MGAT5B: variants seen among roughly 807,000 people sequenced by gnomAD.
The protein encoded by MGAT5B is N-acetylglucosaminyl-transferase Vb.
A neutral mutation model predicts 95.1 loss-of-function variants in MGAT5B; 54 were observed. The observed-to-expected ratio is 0.57, with a 90% CI of 0.46 to 0.71. The LOEUF is 0.71. MGAT5B is among the 30% of genes least tolerant of loss of function. The pLI is 0.00. For synonymous variants in MGAT5B, 464 were observed against 451.0 expected (o/e 1.03, Z -0.36); for missense variants, 935 against 1,088.6 (o/e 0.86, Z 1.99).
chr17:76,890,002 C>A (rs1240458999), intron 3 of MGAT5B, among the ~76,000 whole-genome samples: 1 of 152,242 alleles, frequency 6.6e-6, no homozygotes, highest in Non-Finnish European at 1.5e-5. Flanking sequence ...GACCTTCACT[C>A]CCCTACTGTT....
rs1220673992 is a variant in MGAT5B, at chr17:76,868,904, G to C, written c.-126G>C. 1.2e-6 allele frequency: 1 copy of C among 807,000 alleles called. No individual in the cohort carries two copies. Among genetic ancestry groups the C allele is most frequent in the Non-Finnish European group, 1.9e-6 (1 of 532,744 alleles). 50.0% of individuals were successfully genotyped at this position (807,000 alleles called of 1,614,324 possible). On this transcript the variant is annotated 5_prime_UTR_variant, in exon 1 of 18. Coordinates refer to ENST00000569840, the MANE Select transcript of MGAT5B (RefSeq NM_001199172.2). This position sits in a 1 kb window ranked among gnomAD's most constrained non-coding sequence, Gnocchi z 6.3. ...GAGCAGCGAGGCCACCGGGCCGCGC[G>C]CTCCCAGCTTCGCTCGGACGCGGCT...
At chr17:76,948,232 A>G (rs556961759) in intron 17 of MGAT5B, 146 bp downstream of exon 17, 2 of 1,410,464 alleles carry the variant, frequency 1.4e-6, no homozygotes, top group South Asian at 3.0e-5. Flanking sequence ...AAGGATCCAG[A>G]AGGGATCCTC....
At chr17:76,939,027 GGGGTGTGTGTGTGTGTGTGTGT>G (rs1168339044) in intron 13 of MGAT5B, among the ~76,000 whole-genome samples, 1 of 97,236 alleles carries the variant, frequency 1.0e-5, no homozygotes, top group Non-Finnish European at 2.3e-5. Flanking sequence ...AGGCATCTTG[GGGGTGTGTGTGTGTGTGTGTGT>G]GTGTGTGTGT....
Position 76,918,813 on chromosome 17 carries a change from G to T in MGAT5B, c.1026-6153G>T, listed in dbSNP as rs770242424. 7.9e-5 allele frequency among the ~76,000 whole-genome samples: 12 copies of T among 152,176 alleles called. No homozygotes were observed. Among genetic ancestry groups the T allele is most frequent in the Non-Finnish European group, 1.8e-4 (12 of 68,024 alleles). On this transcript the variant is annotated intron_variant, in intron 8 of 17. Transcript: ENST00000569840. This position sits in a 1 kb window ranked among gnomAD's most constrained non-coding sequence, Gnocchi z 5.1. ...GGCACCCAGTGAAGTTGTGGATCCT[G>T]CCTGCACTTCAGCCCCTGGAGTCAA... is the stretch of plus-strand genomic sequence containing the variant.
intron 3 of MGAT5B, among the ~76,000 whole-genome samples, chr17:76,888,730 G>A (rs1967757260): frequency 6.6e-6 from 1 of 152,250 alleles, no homozygotes; most frequent in Admixed American, 6.5e-5. Flanking sequence ...CAGCCTGAAG[G>A]GAGTTGAGGA....
In MGAT5B at chr17:76,940,571, C is replaced by T. The variant is rs781565197; in HGVS notation, c.1731+23C>T. 7 of 1,597,840 alleles carry T rather than the reference C, an allele frequency of 4.4e-6. No individual in the cohort carries two copies. In the African/African-American group the frequency reaches 6.7e-5, roughly 15 times the overall value. On this transcript the variant is annotated intron_variant, in intron 14 of 17. Coordinates refer to ENST00000569840, the MANE Select transcript of MGAT5B (RefSeq NM_001199172.2). This position sits in a 1 kb window ranked among gnomAD's most constrained non-coding sequence, Gnocchi z 4.3. Reference sequence around the variant, plus strand: ...GAGGTGAGTGGAAAGCATCCTGGTCCCCGATCAGGAGGGGCCGGGACAGAG... The same window carrying T: ...GAGGTGAGTGGAAAGCATCCTGGTCTCCGATCAGGAGGGGCCGGGACAGAG...
intron 8 of MGAT5B, among the ~76,000 whole-genome samples, chr17:76,919,439 C>A (rs1969052872): frequency 6.6e-6 from 1 of 152,106 alleles, no homozygotes; most frequent in Non-Finnish European, 1.5e-5. Flanking sequence ...TTAAATTATT[C>A]GTATTTTTAA....
chr17:76,897,671 TTC>T (rs1215656982), intron 3 of MGAT5B, among the ~76,000 whole-genome samples: 2 of 75,460 alleles, frequency 2.7e-5, no homozygotes, highest in Non-Finnish European at 4.5e-5. Context: ...CTTTCTTTCT[TTC>T]TTTCTTTCTT....
intron 11 of MGAT5B, 79 bp downstream of exon 11, chr17:76,932,854 C>A: frequency 5.2e-6 from 8 of 1,547,012 alleles, no homozygotes; most frequent in African/African-American, 1.4e-5. Context: ...CTCCTCCTTC[C>A]AGGATGCGGT....
chr17:76,948,723 T>G lies in MGAT5B; in HGVS notation c.2264T>G (p.Leu755Arg), dbSNP rs1282994282. The G allele has an allele frequency of 6.2e-6, 10 of 1,613,178 alleles. No individual in the cohort carries two copies. Among genetic ancestry groups the G allele is most frequent in the Non-Finnish European group, 8.5e-6 (10 of 1,179,812 alleles). ...AFAQPGQECY[L>R]QKEPLLFSCA... ...GCCCAGCCTGGCCAGGAGTGCTACC[T>G]GCAGAAGGAGCCTCTGCTCTTCAGC... The change falls in exon 18 of 18, where the codon CTG becomes CGG. Residue 755 changes from leucine (L) to arginine (R), a missense_variant. Physicochemically the swap from Leu to Arg is moderately radical, Grantham distance 102. Around this residue, in one of 4 missense-constraint regions of MGAT5B, gnomAD observed 440 missense variants for 523.6 expected, o/e 0.84. Transcript: ENST00000569840.
At chr17:76,878,779 G>C (rs1278616120) in intron 2 of MGAT5B, among the ~76,000 whole-genome samples, 1 of 152,214 alleles carries the variant, frequency 6.6e-6, no homozygotes, top group African/African-American at 2.4e-5. Flanking sequence ...CTGGCCTGCT[G>C]CCAGTTTTTA....
chr17:76,878,451 C>G (rs529340794), intron 2 of MGAT5B, among the ~76,000 whole-genome samples: 27 of 152,210 alleles, frequency 1.8e-4, no homozygotes, highest in African/African-American at 6.0e-4. Context: ...GCTGCAATGA[C>G]CCATGCCTCT....
chr17:76,885,817 C>T (rs1415469803), intron 3 of MGAT5B, among the ~76,000 whole-genome samples: 1 of 152,208 alleles, frequency 6.6e-6, no homozygotes, highest in African/African-American at 2.4e-5. Flanking sequence ...CCCCTCCGCA[C>T]CCTGAACCTG....
intron 3 of MGAT5B, among the ~76,000 whole-genome samples, chr17:76,901,244 C>A (rs1233052994): frequency 6.6e-6 from 1 of 152,098 alleles, no homozygotes; most frequent in Non-Finnish European, 1.5e-5. Context: ...GTGGGGTTTG[C>A]AGACCCGAAC....
At chr17:76,892,239 G>T (rs1441914745) in intron 3 of MGAT5B, among the ~76,000 whole-genome samples, 1 of 152,186 alleles carries the variant, frequency 6.6e-6, no homozygotes, top group East Asian at 1.9e-4. Flanking sequence ...GGGGAGATGG[G>T]GTTTCACCAT....
intron 6 of MGAT5B, among the ~76,000 whole-genome samples, chr17:76,904,803 T>C (rs991597803): frequency 1.3e-5 from 2 of 152,210 alleles, no homozygotes; most frequent in East Asian, 1.9e-4. Context: ...GGTTTACAAT[T>C]GAATTAATGG....
intron 5 of MGAT5B, 81 bp from the exon 6 acceptor site, chr17:76,904,171 C>A: frequency 7.0e-7 from 1 of 1,423,212 alleles, no homozygotes; most frequent in Non-Finnish European, 9.4e-7. Flanking sequence ...CCTCAGGACC[C>A]CTGGGGGTGC....
At chr17:76,875,528 C>T (rs997845598) in intron 2 of MGAT5B, among the ~76,000 whole-genome samples, 2 of 151,900 alleles carry the variant, frequency 1.3e-5, no homozygotes, top group African/African-American at 4.8e-5. Flanking sequence ...TACCCAGTCT[C>T]AGGTATGTCT....
Position 76,897,676 on chromosome 17 carries a change from T to TCTTC in MGAT5B, c.330-4876_330-4875insCCTT, listed in dbSNP as rs1598922427. Among the ~76,000 whole-genome samples, 4 of 81,542 alleles carry TCTTC rather than the reference T, an allele frequency of 4.9e-5. 1 individual carries two copies. The East Asian group carries it at 1.3e-3, about 26-fold the overall frequency. 53.5% of individuals were successfully genotyped at this position (81,542 alleles called of 152,430 possible). On this transcript the variant is annotated intron_variant, in intron 3 of 17. Coordinates refer to ENST00000569840, the MANE Select transcript of MGAT5B (RefSeq NM_001199172.2). ...AGTAAGGCCACTTTCTTTCTTTCTT[T>TCTTC]CTTTCTTTCTTTCTTTCTTTCTTTC...
Sources: allele counts gnomAD v4.1 joint callset (sites outside exome capture counted in the v4.1 genomes callset), GRCh38; gene constraint gnomAD v4.1.1; regional missense constraint gnomAD v4.1.1; non-coding constraint Gnocchi (gnomAD v3.1); transcripts MANE v1.5; gene names NCBI Gene and HGNC (gene_info 2026-07-23, HGNC 2026-07-21).